YTHDC2: variants seen among roughly 807,000 people sequenced by gnomAD.
YTHDC2 encodes the protein 3'-5' RNA helicase YTHDC2.
A neutral mutation model predicts 174.9 loss-of-function variants in YTHDC2; 45 were observed. The observed-to-expected ratio is 0.26, with a 90% CI of 0.20 to 0.33. The LOEUF is 0.33. Ranked by LOEUF, YTHDC2 falls within the 10% of genes least tolerant of loss-of-function variation. YTHDC2 has a pLI of 1.00. For synonymous variants in YTHDC2, 657 were observed against 574.5 expected, an observed-to-expected ratio of 1.14 and a Z score of -2.05; for missense variants, 1,650 against 1,723.7, an observed-to-expected ratio of 0.96 and a Z score of 0.76.
chr5:113,541,591 A>G (rs1292384363), intron 9 of YTHDC2, among the ~76,000 whole-genome samples: 3 of 152,182 alleles, frequency 2.0e-5, no homozygotes, highest in African/African-American at 7.2e-5. Flanking sequence ...CTTTAAAAAA[A>G]TAATTTACCC....
At chr5:113,571,691 G>A (rs983064581) in intron 23 of YTHDC2, among the ~76,000 whole-genome samples, 12 of 152,092 alleles carry the variant, frequency 7.9e-5, no homozygotes, top group Non-Finnish European at 1.3e-4. Context: ...CTTCTTTCTG[G>A]TTCAGTCTCA....
At chr5:113,550,036 C>G (rs1297329021) in intron 12 of YTHDC2, among the ~76,000 whole-genome samples, 2 of 151,926 alleles carry the variant, frequency 1.3e-5, no homozygotes, top group Non-Finnish European at 2.9e-5. Context: ...AAATTTGCTT[C>G]CTATGTACTC....
At position 113,594,333 on chromosome 5, in the gene YTHDC2, G is replaced by C. The variant is rs1221642564; in HGVS notation, c.*859G>C. ...TTTGGCTACAACTTGATTGAAACAA[G>C]TTCAAAATTTAAACAAGTTCATACA... is the stretch of plus-strand genomic sequence containing the variant. On this transcript the variant is annotated 3_prime_UTR_variant, in exon 30 of 30. Coordinates refer to ENST00000161863, the MANE Select transcript of YTHDC2 (RefSeq NM_022828.5). The C allele has an allele frequency of 2.0e-5, 3 of 151,958 alleles. No individual in the cohort carries two copies. Among genetic ancestry groups the C allele is most frequent in the African/African-American group, 2.4e-5 (1 of 41,374 alleles). 9.4% of individuals were successfully genotyped at this position (151,958 alleles called of 1,614,324 possible).
At chr5:113,539,586 ATGT>A (rs1775309885) in intron 8 of YTHDC2, among the ~76,000 whole-genome samples, 2 of 152,208 alleles carry the variant, frequency 1.3e-5, no homozygotes, top group Admixed American at 1.3e-4. Context: ...AATCTTGATG[ATGT>A]TACAGGATTT....
chr5:113,567,657 C>G lies in YTHDC2; in HGVS notation c.3052C>G (p.Pro1018Ala). Residue 1018 changes from proline to alanine, a missense_variant, in exon 23 of 30, where the codon CCT (proline) becomes GCT (alanine). Pro to Ala is a conservative substitution (Grantham distance 27). Around this residue, in one of 5 missense-constraint regions of YTHDC2, gnomAD observed 913 missense variants for 940.4 expected, o/e 0.97. Coordinates refer to ENST00000161863, the MANE Select transcript of YTHDC2 (RefSeq NM_022828.5). ...VLSQPQYKKI[P>A]PANGQAAAIK... Reference sequence around the variant, plus strand: ...TTAAAATTTATTTTCTTAATAGATTCCTCCAGCCAATGGTCAAGCTGCAGC... The same window carrying G: ...TTAAAATTTATTTTCTTAATAGATTGCTCCAGCCAATGGTCAAGCTGCAGC... 1 of 1,591,768 alleles carries G rather than the reference C, an allele frequency of 6.3e-7. No homozygotes were observed. The highest frequency in any genetic ancestry group is 1.2e-5 in the South Asian group (1 of 85,824).
In YTHDC2 at chr5:113,591,027, G is replaced by A; in HGVS notation, c.3826-14G>A. 1 of 1,609,598 alleles carries A rather than the reference G, an allele frequency of 6.2e-7. No homozygotes were observed. Among genetic ancestry groups the A allele is most frequent in the Middle Eastern group, 1.7e-4 (1 of 5,908 alleles). On this transcript the variant is annotated splice_polypyrimidine_tract_variant and intron_variant, in intron 26 of 29. Coordinates refer to ENST00000161863, the MANE Select transcript of YTHDC2 (RefSeq NM_022828.5). ...GTCAGGTTACCTTTCAAGAACTTAT[G>A]TTTTCTTTTATAGGGCTCAAAATCT...
chr5:113,581,286 AT>A, intron 24 of YTHDC2, 130 bp from the exon 25 acceptor site: 1 of 786,798 alleles, frequency 1.3e-6, no homozygotes, highest in Non-Finnish European at 1.8e-6. Flanking sequence ...AAATAATGAA[AT>A]TAGTAGTAAA....
chr5:113,548,899 C>T (rs1776063133), intron 11 of YTHDC2, 56 bp from the exon 12 acceptor site: 1 of 1,534,014 alleles, frequency 6.5e-7, no homozygotes, highest in Admixed American at 1.9e-5. Flanking sequence ...CCAGGCTCAT[C>T]ATGAACTAGT....
chr5:113,555,969 G>A lies in YTHDC2; in HGVS notation c.2134-83G>A, dbSNP rs186481462. The A allele has an allele frequency of 3.9e-6, 3 of 771,726 alleles. No homozygotes were observed. The East Asian group carries it at 8.8e-5, about 23-fold the overall frequency. 47.8% of individuals were successfully genotyped at this position (771,726 alleles called of 1,614,324 possible). On this transcript the variant is annotated intron_variant, in intron 16 of 29. Transcript: ENST00000161863. ...GGACTTTGAATTAAACTTTTGGCAT[G>A]TTAAAATATGTTGATAACATTCTTG... is the stretch of plus-strand genomic sequence containing the variant.
At position 113,567,218 on chromosome 5, in the gene YTHDC2, A is replaced by G. The variant is rs146715636; in HGVS notation, c.2969A>G (p.Asn990Ser). Reference sequence around the variant, plus strand: ...AATTTAGTCCACGTGGACAGAGAGAATCTAGTGTTGACAGGGCCAAAGGAG... The same window carrying G: ...AATTTAGTCCACGTGGACAGAGAGAGTCTAGTGTTGACAGGGCCAAAGGAG... ...YPNLVHVDRE[N>S]LVLTGPKEKK... The change falls in exon 22 of 30, where the codon AAT becomes AGT. Residue 990 changes from asparagine (N) to serine (S), a missense_variant. Physicochemically the swap from Asn to Ser is conservative, Grantham distance 46. Transcript: ENST00000161863. The G allele has an allele frequency of 4.8e-5, 78 of 1,613,694 alleles. No individual in the cohort carries two copies. The African/African-American group carries it at 8.1e-4, about 17-fold the overall frequency.
In YTHDC2 at chr5:113,513,801, C is replaced by T. The variant is rs1048087349; in HGVS notation, c.-95C>T. ...CCAACACAGGCCGTCTCCGGAGCTTCCCGGTAGTGGCCCCGGATTCCCACG... is the reference window on the plus strand; with the variant it reads ...CCAACACAGGCCGTCTCCGGAGCTTTCCGGTAGTGGCCCCGGATTCCCACG... On this transcript the variant is annotated 5_prime_UTR_variant, in exon 1 of 30. Coordinates refer to ENST00000161863, the MANE Select transcript of YTHDC2 (RefSeq NM_022828.5). 1.9e-5 allele frequency: 27 copies of T among 1,396,292 alleles called. No individual in the cohort carries two copies. The African/African-American group carries it at 3.8e-4, about 19-fold the overall frequency. The allele number at this position is 1,396,292 out of a possible 1,614,324, so 86.5% of individuals were successfully genotyped here.
intron 26 of YTHDC2, among the ~76,000 whole-genome samples, chr5:113,585,889 C>T (rs10075927): frequency 0.12 from 17,688 of 151,696 alleles, 1,792 homozygotes; most frequent in African/African-American, 0.27. Flanking sequence ...TTCCATTCAT[C>T]AGTTGATGGA....
chr5:113,540,431 C>T (rs572773100), intron 8 of YTHDC2, among the ~76,000 whole-genome samples: 172 of 152,292 alleles, frequency 1.1e-3, no homozygotes, highest in Non-Finnish European at 1.8e-3. Context: ...TGTAAAGATA[C>T]TACCTGAGAC....
chr5:113,520,326 A>C (rs1816062), intron 2 of YTHDC2, among the ~76,000 whole-genome samples: 18,926 of 152,178 alleles, frequency 0.12, 1,432 homozygotes, highest in Non-Finnish European at 0.18. Context: ...GTTTTTTATG[A>C]AACTAGTATA....
At chr5:113,536,480 G>T (rs1163878755) in intron 7 of YTHDC2, among the ~76,000 whole-genome samples, 2 of 152,156 alleles carry the variant, frequency 1.3e-5, no homozygotes, top group African/African-American at 4.8e-5. Context: ...AGCTGAGATT[G>T]TGCCACTGCA....
intron 9 of YTHDC2, among the ~76,000 whole-genome samples, chr5:113,542,043 A>G (rs1262431097): frequency 6.6e-6 from 1 of 152,152 alleles, no homozygotes; most frequent in Non-Finnish European, 1.5e-5. Context: ...TCCAGGTGAT[A>G]CTTCCCTTGA....
chr5:113,592,133 T>C lies in YTHDC2; in HGVS notation c.4167T>C (p.Asn1389=). 1 of 1,612,562 alleles carries C rather than the reference T, an allele frequency of 6.2e-7. No individual in the cohort carries two copies. Among genetic ancestry groups the C allele is most frequent in the South Asian group, 1.1e-5 (1 of 90,980 alleles). The change falls in exon 28 of 30, where the codon AAT becomes AAC. Residue 1389 remains asparagine, a synonymous_variant. Coordinates refer to ENST00000161863, the MANE Select transcript of YTHDC2 (RefSeq NM_022828.5). ...TTCAATTTGCACACCATTTACTCAA[T>C]CCATGGAATGACAACAAGAAAGTGC... The part of the protein sequence containing the change: ...LPFQFAHHLL[N]PWNDNKKVQI...
chr5:113,535,456 C>A (rs1210718509), intron 6 of YTHDC2, among the ~76,000 whole-genome samples, 186 bp from the exon 7 acceptor site: 1 of 152,084 alleles, frequency 6.6e-6, no homozygotes, highest in Non-Finnish European at 1.5e-5. Flanking sequence ...ACTTTGTCAT[C>A]TGCATTTCAT....
chr5:113,592,480 C>G (rs1580666842), intron 28 of YTHDC2: 1 of 200,466 alleles, frequency 5.0e-6, no homozygotes, highest in South Asian at 1.4e-4. Flanking sequence ...TTTGCTTTGT[C>G]TTCATGATGC....
Sources: gnomAD v4.1 joint callset for allele counts (sites outside exome capture counted in the v4.1 genomes callset) on GRCh38, gnomAD v4.1.1 for gene constraint, gnomAD v4.1.1 regional missense constraint, MANE v1.5 for transcripts, NCBI Gene and HGNC (gene_info 2026-07-23, HGNC 2026-07-21) for gene names.